TYW1B: variants seen among roughly 807,000 people sequenced by gnomAD.
TYW1B encodes tRNA-yW synthesizing protein 1 homolog B, also known as S-adenosyl-L-methionine-dependent tRNA 4-demethylwyosine synthase TYW1B.
In TYW1B, 73 loss-of-function variants were observed where a neutral mutation model predicts 86.9. That is an observed-to-expected ratio of 0.84 (90% confidence interval 0.70 to 1.02). The LOEUF is 1.02. Among genes scored for constraint, TYW1B ranks in the 50% least tolerant of loss-of-function variants. The pLI, the probability that TYW1B is intolerant of heterozygous loss-of-function variation, is 0.00. For synonymous variants in TYW1B, 248 were observed against 292.8 expected (o/e 0.85, Z 1.56); for missense variants, 637 against 827.4 (o/e 0.77, Z 2.82).
intron 7 of TYW1B, among the ~76,000 whole-genome samples, chr7:72,752,382 A>G (rs1209417976): frequency 6.6e-6 from 1 of 152,194 alleles, no homozygotes; most frequent in Non-Finnish European, 1.5e-5. Flanking sequence ...AACATTCTGT[A>G]TTAAGGAAAT....
intron 11 of TYW1B, among the ~76,000 whole-genome samples, chr7:72,677,211 C>T (rs1419792806): frequency 6.6e-6 from 1 of 152,082 alleles, no homozygotes; most frequent in African/African-American, 2.4e-5. Context: ...GGCAGTGACA[C>T]AATCATAGCT....
intron 8 of TYW1B, among the ~76,000 whole-genome samples, chr7:72,736,304 G>C (rs1554460995): frequency 6.6e-6 from 1 of 152,236 alleles, no homozygotes; most frequent in Non-Finnish European, 1.5e-5. Context: ...AAAAGGAAGA[G>C]GAATAGGCTA....
At chr7:72,773,077 T>C (rs1254559011) in intron 7 of TYW1B, among the ~76,000 whole-genome samples, 1 of 152,202 alleles carries the variant, frequency 6.6e-6, no homozygotes, top group African/African-American at 2.4e-5. Flanking sequence ...TGGAATTCCA[T>C]ATTATACTGT....
At chr7:72,714,772 CTGGGCGTAG>C (rs1554455521) in intron 9 of TYW1B, among the ~76,000 whole-genome samples, 2 of 152,204 alleles carry the variant, frequency 1.3e-5, no homozygotes, top group Non-Finnish European at 2.9e-5. Flanking sequence ...CCAAAATTAG[CTGGGCGTAG>C]TGGCGGATGC....
At chr7:72,827,910 G>A (rs1430196716) in intron 1 of TYW1B, among the ~76,000 whole-genome samples, 162 bp downstream of exon 1, 2 of 152,210 alleles carry the variant, frequency 1.3e-5, no homozygotes, top group Non-Finnish European at 2.9e-5. Context: ...GTCAAAAGTA[G>A]GGATCGGTCC....
chr7:72,827,943 G>T lies in TYW1B; in HGVS notation c.4+129C>A, dbSNP rs1788969613. The T allele has an allele frequency of 2.0e-6, 3 of 1,529,248 alleles. No individual in the cohort carries two copies. The East Asian group carries it at 7.2e-5, about 37-fold the overall frequency. The allele number at this position is 1,529,248 out of a possible 1,614,324, so 94.7% of individuals were successfully genotyped here. A position where few individuals can be genotyped will look rare whatever the true frequency, so the allele number is the denominator to read the frequency against. On this transcript the variant is annotated intron_variant, in intron 1 of 13. Coordinates refer to ENST00000620995, the MANE Select transcript of TYW1B (RefSeq NM_001145440.3). ...TCCTCCTTGCTCTCAGCGGCGGCTA[G>T]CCGGTGCTGTCAAGTGCAACAGTCT...
chr7:72,704,924 T>C (rs1264295413), intron 10 of TYW1B, among the ~76,000 whole-genome samples: 2 of 152,126 alleles, frequency 1.3e-5, no homozygotes, highest in Non-Finnish European at 2.9e-5. Flanking sequence ...CAGACATGCA[T>C]GTTTCAGAGA....
At chr7:72,768,299 C>T (rs1424429741) in intron 7 of TYW1B, among the ~76,000 whole-genome samples, 1 of 151,908 alleles carries the variant, frequency 6.6e-6, no homozygotes, top group South Asian at 2.1e-4. Flanking sequence ...AGGAGGAATC[C>T]GCCCAAACAA....
At chr7:72,632,119 A>C (rs1812505779) in intron 11 of TYW1B, among the ~76,000 whole-genome samples, 1 of 151,004 alleles carries the variant, frequency 6.6e-6, no homozygotes. Context: ...CAACATAAAG[A>C]GACCCCATCA....
chr7:72,660,643 G>C (rs1295081469), intron 11 of TYW1B, among the ~76,000 whole-genome samples: 1 of 152,036 alleles, frequency 6.6e-6, no homozygotes, highest in South Asian at 2.1e-4. Context: ...TTCCTTAACT[G>C]TGAAGATTTA....
Position 72,713,791 on chromosome 7 carries a change from C to G in TYW1B, c.1200G>C (p.Pro400=), listed in dbSNP as rs201777065. ...CTTCAAAGCGTTCTGCTTTGACGCC[C>G]GGTACTCCTGGAGAATACAGTGAGA... ...QNMIKQFKGV[P]GVKAERFEEG... Residue 400 remains proline, a synonymous_variant, in exon 10 of 14, where the codon CCG becomes CCC. Coordinates refer to ENST00000620995, the MANE Select transcript of TYW1B (RefSeq NM_001145440.3). 26 of 1,579,774 alleles carry G rather than the reference C, an allele frequency of 1.6e-5. No homozygotes were observed. Among genetic ancestry groups the G allele is most frequent in the Non-Finnish European group, 2.0e-5 (23 of 1,158,990 alleles).
chr7:72,692,631 A>T (rs547600416), intron 11 of TYW1B, among the ~76,000 whole-genome samples: 124 of 152,242 alleles, frequency 8.1e-4, no homozygotes, highest in African/African-American at 2.8e-3. Flanking sequence ...GACAAAACAG[A>T]AGAAAAACAG....
chr7:72,587,134 G>A (rs1585827585), intron 13 of TYW1B, among the ~76,000 whole-genome samples: 1 of 152,056 alleles, frequency 6.6e-6, no homozygotes, highest in East Asian at 1.9e-4. Context: ...AGAGGCTACC[G>A]GACCTTCTCA....
chr7:72,708,603 T>C lies in TYW1B; in HGVS notation c.1370+5018A>G, dbSNP rs190656489. Among the ~76,000 whole-genome samples the C allele has an allele frequency of 2.3e-3, 350 of 152,344 alleles. 1 individual carries two copies. The highest frequency in any genetic ancestry group is 3.7e-3 in the Non-Finnish European group (249 of 68,028). ...AAACTTCCAAAATACATGGCCTCTG[T>C]GTCCTATTAGTTAATCTACAGCCTT... On this transcript the variant is annotated intron_variant, in intron 10 of 13. Transcript: ENST00000620995.
chr7:72,654,070 G>C (rs1554443260), intron 11 of TYW1B, among the ~76,000 whole-genome samples: 1 of 139,806 alleles, frequency 7.2e-6, no homozygotes, highest in Non-Finnish European at 1.5e-5. Flanking sequence ...ACAGAGCAAG[G>C]CTCCATCACA....
intron 1 of TYW1B, among the ~76,000 whole-genome samples, chr7:72,827,383 G>A (rs1396099508): frequency 6.6e-6 from 1 of 152,172 alleles, no homozygotes; most frequent in Non-Finnish European, 1.5e-5. Flanking sequence ...ACTCCAGCCT[G>A]GGCGACAGAG....
intron 10 of TYW1B, among the ~76,000 whole-genome samples, chr7:72,698,722 C>A (rs538721400): frequency 6.6e-6 from 1 of 152,020 alleles, no homozygotes; most frequent in East Asian, 1.9e-4. Flanking sequence ...GAGATGAACC[C>A]AGAGCCTTTC....
At chr7:72,783,652 T>C (rs1455251311) in intron 6 of TYW1B, among the ~76,000 whole-genome samples, 1 of 152,228 alleles carries the variant, frequency 6.6e-6, no homozygotes, top group Non-Finnish European at 1.5e-5. Flanking sequence ...AAAGCTTTTG[T>C]ATATACTGAG....
intron 11 of TYW1B, among the ~76,000 whole-genome samples, chr7:72,659,560 C>T (rs782093029): frequency 6.6e-6 from 1 of 151,854 alleles, no homozygotes; most frequent in Non-Finnish European, 1.5e-5. Flanking sequence ...CCTCGGTGAC[C>T]GAAGGAGACT....
Sources: gnomAD v4.1 joint callset for allele counts (sites outside exome capture counted in the v4.1 genomes callset) on GRCh38, gnomAD v4.1.1 for gene constraint, MANE v1.5 for transcripts, NCBI Gene and HGNC (gene_info 2026-07-23, HGNC 2026-07-21) for gene names.